The following PIK3C2A variants were observed in gnomAD, a reference collection of about 807,000 sequenced individuals.
The protein encoded by PIK3C2A is phosphatidylinositol-4-phosphate 3-kinase catalytic subunit type 2 alpha, also known as phosphatidylinositol 4-phosphate 3-kinase C2 domain-containing subunit alpha.
In PIK3C2A, 97 loss-of-function variants were observed where a neutral mutation model predicts 204.5. That is an observed-to-expected ratio of 0.47 (90% CI 0.40 to 0.56). The LOEUF is 0.56. Ranked by LOEUF, PIK3C2A falls within the 20% of genes least tolerant of loss-of-function variation. The probability of loss-of-function intolerance (pLI) is 0.00; values close to 1 mark genes in which losing one functional copy is unlikely to be tolerated. For missense variants in PIK3C2A, 1,735 were observed against 1,969.2 expected, an observed-to-expected ratio of 0.88 and a Z score of 2.25; for synonymous variants, 653 against 664.4, an observed-to-expected ratio of 0.98 and a Z score of 0.26.
intron 2 of PIK3C2A, among the ~76,000 whole-genome samples, chr11:17,168,118 C>T (rs1055758405): frequency 6.6e-6 from 1 of 151,986 alleles, no homozygotes; most frequent in Non-Finnish European, 1.5e-5. Context: ...TCAGTGACAG[C>T]CAGTTCCTTC....
At chr11:17,182,420 A>G (rs1205289372) in intron 1 of PIK3C2A, among the ~76,000 whole-genome samples, 1 of 152,100 alleles carries the variant, frequency 6.6e-6, no homozygotes, top group East Asian at 1.9e-4. Context: ...TTTAAAAATT[A>G]GCTAGGCATG....
At chr11:17,108,909 G>GT (rs1848912388) in intron 22 of PIK3C2A, among the ~76,000 whole-genome samples, 1 of 152,210 alleles carries the variant, frequency 6.6e-6, no homozygotes, top group Non-Finnish European at 1.5e-5. Context: ...CACACTACTG[G>GT]TAAGGGTGAA....
chr11:17,169,623 G>C lies in PIK3C2A; in HGVS notation c.119C>G (p.Ala40Gly). 6.2e-7 allele frequency: 1 copy of C among 1,613,860 alleles called. No individual in the cohort carries two copies. The highest frequency in any genetic ancestry group is 8.5e-7 in the Non-Finnish European group (1 of 1,179,988). ...EALQMEAEALAKLQKDRQVTD... is the reference protein window; with the variant it reads ...EALQMEAEALGKLQKDRQVTD... ...CACTTGTCTATCCTTTTGCAGTTTT[G>C]CTAAAGCCTCTGCTTCCATCTGTAA... is the stretch of plus-strand genomic sequence containing the variant. The change falls in exon 2 of 33, where the codon GCA becomes GGA. Residue 40 changes from alanine (A) to glycine (G), a missense_variant. Physicochemically the swap from Ala to Gly is moderately conservative, Grantham distance 60 (BLOSUM62 0). Transcript: ENST00000691414.
chr11:17,196,222 A>C (rs1377200159), intron 1 of PIK3C2A, among the ~76,000 whole-genome samples: 1 of 152,136 alleles, frequency 6.6e-6, no homozygotes, highest in Non-Finnish European at 1.5e-5. Flanking sequence ...TTAATTATTA[A>C]ATTTGATATA....
intron 8 of PIK3C2A, chr11:17,138,025 A>AT (rs2137399917): frequency 1.6e-6 from 1 of 631,084 alleles, no homozygotes. Flanking sequence ...TTTCACAATG[A>AT]TTTTCTGCTC....
chr11:17,155,654 T>C, intron 2 of PIK3C2A, 25 bp from the exon 3 acceptor site: 1 of 1,384,206 alleles, frequency 7.2e-7, no homozygotes, highest in Non-Finnish European at 1.0e-6. Context: ...GTGTTTTTAT[T>C]TTAAAAGTGG....
chr11:17,133,421 T>C (rs1477564773), intron 11 of PIK3C2A, among the ~76,000 whole-genome samples: 1 of 152,172 alleles, frequency 6.6e-6, no homozygotes, highest in Non-Finnish European at 1.5e-5. Context: ...CTAAGAATAC[T>C]GCCCACAGAT....
rs1848187669 is a variant in PIK3C2A, at chr11:17,087,434, G to A, written c.*2304C>T. On this transcript the variant is annotated 3_prime_UTR_variant, in exon 33 of 33. Coordinates refer to ENST00000691414, the MANE Select transcript of PIK3C2A (RefSeq NM_002645.4). ...AGGCACAAAATGAGTTAAATTAAGAGAAAACATTACCACTTGTTCTGAACT... is the reference window on the plus strand; with the variant it reads ...AGGCACAAAATGAGTTAAATTAAGAAAAAACATTACCACTTGTTCTGAACT... The A allele has an allele frequency of 6.6e-6, 1 of 152,130 alleles. No homozygotes were observed. Among genetic ancestry groups the A allele is most frequent in the Admixed American group, 6.5e-5 (1 of 15,268 alleles). The allele number at this position is 152,130 out of a possible 1,614,324, so 9.4% of individuals were successfully genotyped here. A position where few individuals can be genotyped will look rare whatever the true frequency, so the allele number is the denominator to read the frequency against.
At chr11:17,195,430 A>G (rs932665989) in intron 1 of PIK3C2A, among the ~76,000 whole-genome samples, 9 of 151,516 alleles carry the variant, frequency 5.9e-5, no homozygotes, top group African/African-American at 2.2e-4. Context: ...AAAAAAAATT[A>G]GAAACATGGC....
At chr11:17,159,686 T>C (rs914528398) in intron 2 of PIK3C2A, among the ~76,000 whole-genome samples, 8 of 152,140 alleles carry the variant, frequency 5.3e-5, no homozygotes, top group African/African-American at 1.9e-4. Context: ...AAAGGAGACA[T>C]AAGGGCCTGT....
Position 17,089,813 on chromosome 11 carries a change from G to C in PIK3C2A, c.4986C>G (p.Thr1662=). The part of the protein sequence containing the change: ...LRENFFLGGV[T]LPLKDFNLSK... ...TCAAGTTGAAATCTTTCAAAGGCAGGGTTACTCCACCCAAGAAAAAATTCT... is the reference window on the plus strand; with the variant it reads ...TCAAGTTGAAATCTTTCAAAGGCAGCGTTACTCCACCCAAGAAAAAATTCT... Residue 1662 remains threonine (T), a synonymous_variant, in exon 33 of 33, where the codon ACC becomes ACG. Transcript: ENST00000691414. 1 of 1,613,782 alleles carries C rather than the reference G, an allele frequency of 6.2e-7. No homozygotes were observed. The highest frequency in any genetic ancestry group is 8.5e-7 in the Non-Finnish European group (1 of 1,179,778).
At chr11:17,124,267 A>AAAT (rs1360589468) in intron 13 of PIK3C2A, among the ~76,000 whole-genome samples, 1 of 152,154 alleles carries the variant, frequency 6.6e-6, no homozygotes. Context: ...TATCTCTAAA[A>AAAT]AATAAAGTTT....
chr11:17,176,016 T>G lies in PIK3C2A; in HGVS notation c.-65-6210A>C, dbSNP rs1045523632. Among the ~76,000 whole-genome samples the G allele has an allele frequency of 2.2e-4, 33 of 151,790 alleles. 1 individual carries two copies. In the East Asian group the frequency reaches 4.3e-3, roughly 20 times the overall value. On this transcript the variant is annotated intron_variant, in intron 1 of 32. Transcript: ENST00000691414. ...TCCATGGAACTGATTTTTTTTTTTT[T>G]TGTGGGGGACAGAGTCTCACTCTGT...
intron 1 of PIK3C2A, among the ~76,000 whole-genome samples, chr11:17,201,122 C>T (rs1429540512): frequency 6.6e-6 from 1 of 152,166 alleles, no homozygotes; most frequent in African/African-American, 2.4e-5. Context: ...AGGAAAATCG[C>T]TTGAACCTGT....
chr11:17,172,315 C>CT (rs898180593), intron 1 of PIK3C2A, among the ~76,000 whole-genome samples: 10 of 152,148 alleles, frequency 6.6e-5, no homozygotes, highest in African/African-American at 1.4e-4. Flanking sequence ...TACCTCAGTT[C>CT]TTTGTCTCTT....
At chr11:17,189,014 T>C (rs1417009733) in intron 1 of PIK3C2A, among the ~76,000 whole-genome samples, 1 of 146,706 alleles carries the variant, frequency 6.8e-6, no homozygotes, top group African/African-American at 2.7e-5. Context: ...AGAAGCACAA[T>C]TAAAGAACAA....
At chr11:17,141,594 G>A (rs1042380238) in intron 8 of PIK3C2A, among the ~76,000 whole-genome samples, 1 of 151,952 alleles carries the variant, frequency 6.6e-6, no homozygotes, top group Admixed American at 6.6e-5. Context: ...CATTAACACT[G>A]GTATATTGCT....
At position 17,087,392 on chromosome 11, in the gene PIK3C2A, G is replaced by C. The variant is rs1848187103; in HGVS notation, c.*2346C>G. On this transcript the variant is annotated 3_prime_UTR_variant, in exon 33 of 33. Transcript: ENST00000691414. ...TAAACTATATGTAAAATGTATGTGTGTTTGAATGAGTAAAGAAGGCACAAA... is the reference window on the plus strand; with the variant it reads ...TAAACTATATGTAAAATGTATGTGTCTTTGAATGAGTAAAGAAGGCACAAA... The C allele has an allele frequency of 6.6e-6, 1 of 152,160 alleles. No individual in the cohort carries two copies. 9.4% of individuals were successfully genotyped at this position (152,160 alleles called of 1,614,324 possible).
Position 17,092,017 on chromosome 11 carries a change from C to T in PIK3C2A, c.4621G>A (p.Glu1541Lys), listed in dbSNP as rs761785844. ...FHPLLRDEKA[E>K]GIARSADAGS... ...TCACCTGCAGACCTAGCTATCCCTT[C>T]AGCTTTCTCATCACGAAGTAAAGGG... Residue 1541 changes from glutamate (E) to lysine (K), a missense_variant, in exon 30 of 33, where the codon GAA (glutamate) becomes AAA (lysine). Physicochemically the swap from Glu to Lys is moderately conservative, Grantham distance 56. Coordinates refer to ENST00000691414, the MANE Select transcript of PIK3C2A (RefSeq NM_002645.4). 1.7e-5 allele frequency: 27 copies of T among 1,610,430 alleles called. No homozygotes were observed. Among genetic ancestry groups the T allele is most frequent in the African/African-American group, 2.7e-5 (2 of 74,866 alleles).
Sources: gnomAD v4.1 joint callset for allele counts (sites outside exome capture counted in the v4.1 genomes callset) on GRCh38, gnomAD v4.1.1 for gene constraint, MANE v1.5 for transcripts, NCBI Gene and HGNC (gene_info 2026-07-23, HGNC 2026-07-21) for gene names.